The following DENND2B variants were observed in gnomAD, a reference collection of about 807,000 sequenced individuals.
DENND2B encodes DENN domain-containing protein 2B.
Under a neutral mutation model 116.0 loss-of-function variants are expected in DENND2B, and 32 were observed. The observed-to-expected ratio is 0.28, with a 90% CI of 0.21 to 0.37. The LOEUF is 0.37. Ranked by LOEUF, DENND2B falls within the 10% of genes least tolerant of loss-of-function variation. The probability of loss-of-function intolerance (pLI) is 1.00; values close to 1 mark genes in which losing one functional copy is unlikely to be tolerated. For missense variants in DENND2B, 1,276 were observed against 1,477.7 expected, an observed-to-expected ratio of 0.86 and a Z score of 2.24; for synonymous variants, 588 against 583.9, an observed-to-expected ratio of 1.01 and a Z score of -0.10.
chr11:8,736,699 G>A (rs949612249), intron 2 of DENND2B, among the ~76,000 whole-genome samples: 2 of 152,172 alleles, frequency 1.3e-5, no homozygotes, highest in African/African-American at 2.4e-5. Flanking sequence ...AAAGATAACC[G>A]CATGCCTACT....
Position 8,731,193 on chromosome 11 carries a change from G to C in DENND2B, c.97C>G (p.Pro33Ala), listed in dbSNP as rs768368554. Reference sequence around the variant, plus strand: ...CTTGGTGGGGAGAGAACTGGAGGTGGAGAGACTGACTGAGACCTGGGGGCA... The same window carrying C: ...CTTGGTGGGGAGAGAACTGGAGGTGCAGAGACTGACTGAGACCTGGGGGCA... ...GTLSRSQSVS[P>A]PPVLSPPRSP... Residue 33 changes from proline to alanine, a missense_variant, in exon 3 of 20, where the codon CCA becomes GCA. Coordinates refer to ENST00000313726, the MANE Select transcript of DENND2B (RefSeq NM_213618.2). 1 of 1,510,072 alleles carries C rather than the reference G, an allele frequency of 6.6e-7. No homozygotes were observed. The highest frequency in any genetic ancestry group is 1.3e-5 in the South Asian group (1 of 74,268). 93.5% of individuals were successfully genotyped at this position (1,510,072 alleles called of 1,614,324 possible).
intron 1 of DENND2B, among the ~76,000 whole-genome samples, chr11:8,805,599 G>A (rs1172099187): frequency 5.3e-5 from 8 of 151,890 alleles, no homozygotes; most frequent in Non-Finnish European, 1.2e-4. Flanking sequence ...TCCTTCATTC[G>A]AATCGTGCTT....
chr11:8,893,489 T>C (rs2064059548), intron 1 of DENND2B, among the ~76,000 whole-genome samples: 1 of 152,116 alleles, frequency 6.6e-6, no homozygotes, highest in Admixed American at 6.6e-5. Flanking sequence ...GATTGTATGT[T>C]TAGAAAACCC....
upstream of DENND2B, chr11:8,811,464 C>T (rs576756088): frequency 1.0e-3 from 409 of 394,820 alleles, 2 homozygotes; most frequent in Middle Eastern, 0.012. Flanking sequence ...GGATCTGCAG[C>T]TAAGGTGCAG....
chr11:8,747,417 A>G (rs2051460488), intron 2 of DENND2B, among the ~76,000 whole-genome samples: 1 of 152,132 alleles, frequency 6.6e-6, no homozygotes, highest in Admixed American at 6.6e-5. Context: ...CAAAAGTGAA[A>G]TCTCCTGAGA....
chr11:8,844,677 TATAAATG>T (rs2062750497), intron 3 of DENND2B, among the ~76,000 whole-genome samples: 1 of 152,184 alleles, frequency 6.6e-6, no homozygotes, highest in South Asian at 2.1e-4. Context: ...CATATATACA[TATAAATG>T]CATAAATTTT....
intron 4 of DENND2B, among the ~76,000 whole-genome samples, chr11:8,834,203 A>G (rs958377396): frequency 1.3e-5 from 2 of 152,218 alleles, no homozygotes; most frequent in African/African-American, 4.8e-5. Context: ...TACAGTTTGG[A>G]AAGTCATTCT....
rs1248215044 is a variant in DENND2B, at chr11:8,707,975, T to G, written c.2353-121A>C. 6.5e-7 allele frequency: 1 copy of G among 1,533,928 alleles called. No individual in the cohort carries two copies. Among genetic ancestry groups the G allele is most frequent in the Non-Finnish European group, 8.7e-7 (1 of 1,145,010 alleles). ...ACTGCCCTTCTAGTGGAGGAAGACT[T>G]TAAGCCTCCTCTAAACCTCTCTGCA... On this transcript the variant is annotated intron_variant, in intron 11 of 19. Transcript: ENST00000313726. The surrounding 1 kb of genome is among the most constrained non-coding windows in gnomAD (Gnocchi z 4.8).
At chr11:8,769,201 G>A (rs867683669) in intron 1 of DENND2B, among the ~76,000 whole-genome samples, 1 of 150,954 alleles carries the variant, frequency 6.6e-6, no homozygotes, top group Non-Finnish European at 1.5e-5. Flanking sequence ...GAGGGACACA[G>A]TCTCCACTGC....
intron 1 of DENND2B, among the ~76,000 whole-genome samples, chr11:8,790,492 G>A (rs2059288115): frequency 1.3e-5 from 2 of 152,148 alleles, no homozygotes; most frequent in South Asian, 4.1e-4. Flanking sequence ...TTCTGGGCCA[G>A]GCACAGTGGC....
At chr11:8,787,957 C>T (rs1260243128) in intron 1 of DENND2B, among the ~76,000 whole-genome samples, 1 of 152,152 alleles carries the variant, frequency 6.6e-6, no homozygotes, top group Non-Finnish European at 1.5e-5. Flanking sequence ...ACATGCATGC[C>T]TTCCCTGGTA....
Position 8,878,096 on chromosome 11 carries a change from T to A in DENND2B, c.-156+2914A>T, listed in dbSNP as rs974534834. On this transcript the variant is annotated intron_variant, in intron 2 of 22. Transcript: ENST00000534127. ...TCATTAGAAAAGAAGGGGAGAAAAT[T>A]TTAAGCCAAAGGAATTGCCTAAGCC... 3.3e-5 allele frequency among the ~76,000 whole-genome samples: 5 copies of A among 152,266 alleles called. No homozygotes were observed. The East Asian group carries it at 9.6e-4, about 29-fold the overall frequency.
intron 4 of DENND2B, among the ~76,000 whole-genome samples, chr11:8,834,673 A>C (rs949719011): frequency 6.6e-6 from 1 of 152,194 alleles, no homozygotes; most frequent in African/African-American, 2.4e-5. Context: ...CTTCCTCTTC[A>C]TGCAATGGGA....
chr11:8,742,891 C>T (rs2050464079), intron 2 of DENND2B, among the ~76,000 whole-genome samples: 1 of 151,908 alleles, frequency 6.6e-6, no homozygotes, highest in South Asian at 2.1e-4. Context: ...ATGGAGAAAC[C>T]CTGTCTCTAC....
intron 1 of DENND2B, among the ~76,000 whole-genome samples, chr11:8,803,796 A>G (rs747816869): frequency 2.0e-5 from 3 of 152,182 alleles, no homozygotes; most frequent in Non-Finnish European, 2.9e-5. Flanking sequence ...TAGAGGAAAA[A>G]CCAGACTATG....
chr11:8,815,666 T>C (rs2061544438), upstream of DENND2B, among the ~76,000 whole-genome samples: 1 of 152,242 alleles, frequency 6.6e-6, no homozygotes, highest in Admixed American at 6.5e-5. Flanking sequence ...CCTGATAGAA[T>C]CTGTTTGTCT....
At chr11:8,742,244 G>A (rs117803865) in intron 2 of DENND2B, among the ~76,000 whole-genome samples, 388 of 152,292 alleles carry the variant, frequency 2.5e-3, no homozygotes, top group Admixed American at 4.2e-3. Flanking sequence ...TGGAGCAGGG[G>A]CAAGCCATCC....
intron 11 of DENND2B, among the ~76,000 whole-genome samples, chr11:8,709,100 G>A (rs1483413974): frequency 6.6e-6 from 1 of 152,228 alleles, no homozygotes; most frequent in African/African-American, 2.4e-5. Flanking sequence ...AGGGAGCAGA[G>A]CAGCAGGTGC....
chr11:8,902,440 AGG>A (rs769180877), intron 1 of DENND2B, among the ~76,000 whole-genome samples: 10 of 152,118 alleles, frequency 6.6e-5, no homozygotes, highest in Non-Finnish European at 1.3e-4. Flanking sequence ...CTGTGTTGTT[AGG>A]GTCATGTACA....
Sources: allele counts gnomAD v4.1 joint callset (sites outside exome capture counted in the v4.1 genomes callset), GRCh38; gene constraint gnomAD v4.1.1; non-coding constraint Gnocchi (gnomAD v3.1); transcripts MANE v1.5; gene names NCBI Gene and HGNC (gene_info 2026-07-23, HGNC 2026-07-21).